PPP1R18: variants seen among roughly 807,000 people sequenced by gnomAD.
PPP1R18 encodes the protein protein phosphatase 1 regulatory subunit 18.
Under a neutral mutation model 54.8 loss-of-function variants are expected in PPP1R18, and 31 were observed. That is an observed-to-expected ratio of 0.57 (90% confidence interval 0.43 to 0.76). The LOEUF (loss-of-function observed/expected upper bound fraction) is 0.76, where lower values mean the gene tolerates loss of function less well. Ranked by LOEUF, PPP1R18 falls within the 30% of genes least tolerant of loss-of-function variation. The probability of loss-of-function intolerance (pLI) is 0.00; values close to 1 mark genes in which losing one functional copy is unlikely to be tolerated. For synonymous variants in PPP1R18, 310 were observed against 320.2 expected, an observed-to-expected ratio of 0.97 and a Z score of 0.34; for missense variants, 685 against 776.1, an observed-to-expected ratio of 0.88 and a Z score of 1.39.
Position 30,686,488 on chromosome 6 carries a change from G to GAAGGACCAGGAATCCCTGA in PPP1R18, c.-489_-471dup, listed in dbSNP as rs1770950509. The GAAGGACCAGGAATCCCTGA allele has an allele frequency of 6.0e-6, 1 of 166,544 alleles. No homozygotes were observed. Among genetic ancestry groups the GAAGGACCAGGAATCCCTGA allele is most frequent in the South Asian group, 1.6e-4 (1 of 6,122 alleles). 10.3% of individuals were successfully genotyped at this position (166,544 alleles called of 1,614,324 possible). A position where few individuals can be genotyped will look rare whatever the true frequency, so the allele number is the denominator to read the frequency against. On this transcript the variant is annotated 5_prime_UTR_variant, in exon 1 of 3. Coordinates refer to ENST00000274853, the MANE Select transcript of PPP1R18 (RefSeq NM_133471.4). ...ACCCCAGGGAGGCTAGTGTGGGAAG[G>GAAGGACCAGGAATCCCTGA]AAGGACCAGGAATCCCTGAAAGGAC...
rs1770647585 is a variant in PPP1R18 at position 30,683,057 on chromosome 6, T to C, written c.1611+1351A>G. Among the ~76,000 whole-genome samples the C allele has an allele frequency of 6.6e-6, 1 of 152,148 alleles. No homozygotes were observed. Reference sequence around the variant, plus strand: ...GTTCCCAAGAACCATGGCTTAGAGGTGGGAGCTTACGCTTCATGTGAAGAT... The same window carrying C: ...GTTCCCAAGAACCATGGCTTAGAGGCGGGAGCTTACGCTTCATGTGAAGAT... On this transcript the variant is annotated intron_variant, in intron 1 of 2. Coordinates refer to ENST00000274853, the MANE Select transcript of PPP1R18 (RefSeq NM_133471.4). The surrounding 1 kb of genome is among the most constrained non-coding windows in gnomAD (Gnocchi z 5.1).
chr6:30,684,278 G>A lies in PPP1R18; in HGVS notation c.1611+130C>T. ...GGGTGTATGTGCAGAGCGAGGAAGGGTGGTGGCAGGAATTAACAAGAAAGA... is the reference window on the plus strand; with the variant it reads ...GGGTGTATGTGCAGAGCGAGGAAGGATGGTGGCAGGAATTAACAAGAAAGA... On this transcript the variant is annotated intron_variant, in intron 1 of 2. Coordinates refer to ENST00000274853, the MANE Select transcript of PPP1R18 (RefSeq NM_133471.4). This position sits in a 1 kb window ranked among gnomAD's most constrained non-coding sequence, Gnocchi z 6.0. The A allele has an allele frequency of 2.2e-6, 2 of 895,838 alleles. No homozygotes were observed. Among genetic ancestry groups the A allele is most frequent in the Non-Finnish European group, 3.3e-6 (2 of 613,032 alleles). The allele number at this position is 895,838 out of a possible 1,614,324, so 55.5% of individuals were successfully genotyped here.
Position 30,685,045 on chromosome 6 carries a change from C to T in PPP1R18, c.974G>A (p.Gly325Asp), listed in dbSNP as rs1770808546. 6.2e-7 allele frequency: 1 copy of T among 1,613,274 alleles called. No individual in the cohort carries two copies. Among genetic ancestry groups the T allele is most frequent in the Non-Finnish European group, 8.5e-7 (1 of 1,180,038 alleles). The part of the protein sequence containing the change: ...EQRPVEDGER[G>D]MKPTEGWKWT... Reference sequence around the variant, plus strand: ...TTTCCACCCTTCTGTTGGCTTCATGCCCCTCTCGCCATCTTCCACAGGCCT... The same window carrying T: ...TTTCCACCCTTCTGTTGGCTTCATGTCCCTCTCGCCATCTTCCACAGGCCT... The change falls in exon 1 of 3, where the codon GGC (glycine) becomes GAC (aspartate). Residue 325 changes from glycine to aspartate, a missense_variant. By Grantham distance (94) the Gly-to-Asp change is moderately conservative. Coordinates refer to ENST00000274853, the MANE Select transcript of PPP1R18 (RefSeq NM_133471.4). This position sits in a 1 kb window ranked among gnomAD's most constrained non-coding sequence, Gnocchi z 5.0.
In PPP1R18 at chr6:30,683,099, T is replaced by A. The variant is rs1562024621; in HGVS notation, c.1611+1309A>T. Among the ~76,000 whole-genome samples, 1 of 152,148 alleles carries A rather than the reference T, an allele frequency of 6.6e-6. No individual in the cohort carries two copies. The highest frequency in any genetic ancestry group is 1.5e-5 in the Non-Finnish European group (1 of 68,020). Reference sequence around the variant, plus strand: ...TGTGAAGATGAATTGGGGGATCAAATGAACCCCCCTCCACCCAAGGCTTAA... The same window carrying A: ...TGTGAAGATGAATTGGGGGATCAAAAGAACCCCCCTCCACCCAAGGCTTAA... On this transcript the variant is annotated intron_variant, in intron 1 of 2. Coordinates refer to ENST00000274853, the MANE Select transcript of PPP1R18 (RefSeq NM_133471.4). This position sits in a 1 kb window ranked among gnomAD's most constrained non-coding sequence, Gnocchi z 5.1.
At position 30,684,628 on chromosome 6, in the gene PPP1R18, G is replaced by T; in HGVS notation, c.1391C>A (p.Ala464Asp). 6.5e-7 allele frequency: 1 copy of T among 1,545,950 alleles called. No homozygotes were observed. Among genetic ancestry groups the T allele is most frequent in the Non-Finnish European group, 8.7e-7 (1 of 1,144,862 alleles). Residue 464 changes from alanine (A) to aspartate (D), a missense_variant, in exon 1 of 3, where the codon GCC becomes GAC. Coordinates refer to ENST00000274853, the MANE Select transcript of PPP1R18 (RefSeq NM_133471.4). The surrounding 1 kb of genome is among the most constrained non-coding windows in gnomAD (Gnocchi z 6.0). ...GAAGGTGTGTCCACTGCGGCGGGGG[G>T]CCCCCACCCCTGGCCCTGCCTTCAC... is the stretch of plus-strand genomic sequence containing the variant. The part of the protein sequence containing the change: ...YGVKAGPGVG[A>D]PRRSGHTFTV...
intron 1 of PPP1R18, among the ~76,000 whole-genome samples, chr6:30,681,608 A>G (rs1421170194): frequency 1.3e-5 from 2 of 152,036 alleles, no homozygotes; most frequent in Non-Finnish European, 2.9e-5. Context: ...TACTAAAAAT[A>G]CTAAAATTAG....
chr6:30,680,176 G>A (rs933628417), intron 1 of PPP1R18, among the ~76,000 whole-genome samples: 1 of 152,178 alleles, frequency 6.6e-6, no homozygotes, highest in Non-Finnish European at 1.5e-5. Flanking sequence ...CAAAGGGACA[G>A]GCACAGAGAC....
intron 1 of PPP1R18, 47 bp from the exon 2 acceptor site, chr6:30,679,436 G>A (rs1770404876): frequency 1.2e-6 from 1 of 838,360 alleles, no homozygotes; most frequent in Admixed American, 2.5e-5. Flanking sequence ...CAGCAGGGGA[G>A]AAGCCCGCGG....
rs1046414009 is a variant in PPP1R18, at chr6:30,684,566, G to C, written c.1453C>G (p.Pro485Ala). The C allele has an allele frequency of 3.1e-6, 5 of 1,609,628 alleles. No homozygotes were observed. In the African/African-American group the frequency reaches 6.7e-5, roughly 22 times the overall value. ...NPRRSVPPAT[P>A]ATPTSPATVD... ...GTGGCTGGAGAGGTTGGGGTGGCTG[G>C]GGTCGCAGGGGGCACAGACCGCCGG... The change falls in exon 1 of 3, where the codon CCA becomes GCA. Residue 485 changes from proline (P) to alanine (A), a missense_variant. Physicochemically the swap from Pro to Ala is conservative, Grantham distance 27 (BLOSUM62 -1). Coordinates refer to ENST00000274853, the MANE Select transcript of PPP1R18 (RefSeq NM_133471.4). The surrounding 1 kb of genome is among the most constrained non-coding windows in gnomAD (Gnocchi z 6.0).
In PPP1R18 at chr6:30,684,649, T is replaced by C. The variant is rs1183821524; in HGVS notation, c.1370A>G (p.Lys457Arg). ...GGGGGCCCCCACCCCTGGCCCTGCC[T>C]TCACCCCATAGAACAGGCGGCTCAT... is the stretch of plus-strand genomic sequence containing the variant. ...PLMSRLFYGV[K>R]AGPGVGAPRR... is the part of the protein sequence containing the mutation. Residue 457 changes from lysine (K) to arginine (R), a missense_variant, in exon 1 of 3, where the codon AAG (lysine) becomes AGG (arginine). Transcript: ENST00000274853. The surrounding 1 kb of genome is among the most constrained non-coding windows in gnomAD (Gnocchi z 6.0). The C allele has an allele frequency of 6.6e-7, 1 of 1,520,462 alleles. No homozygotes were observed. Among genetic ancestry groups the C allele is most frequent in the Non-Finnish European group, 8.8e-7 (1 of 1,131,824 alleles). The allele number at this position is 1,520,462 out of a possible 1,614,324, so 94.2% of individuals were successfully genotyped here.
In PPP1R18 at chr6:30,685,304, G is replaced by A. The variant is rs1255914289; in HGVS notation, c.715C>T (p.His239Tyr). 6.2e-7 allele frequency: 1 copy of A among 1,613,078 alleles called. No homozygotes were observed. The change falls in exon 1 of 3, where the codon CAT (histidine) becomes TAT (tyrosine). Residue 239 changes from histidine to tyrosine, a missense_variant. His to Tyr is a moderately conservative substitution (Grantham distance 83). Coordinates refer to ENST00000274853, the MANE Select transcript of PPP1R18 (RefSeq NM_133471.4). The surrounding 1 kb of genome is among the most constrained non-coding windows in gnomAD (Gnocchi z 5.0). Reference sequence around the variant, plus strand: ...TCTCTGGAGTCAGGTCTCCATTTATGGGCCTCTGTCAGGCCCAACTTCTGG... The same window carrying A: ...TCTCTGGAGTCAGGTCTCCATTTATAGGCCTCTGTCAGGCCCAACTTCTGG... Reference protein sequence around the residue: ...AYQKLGLTEAHKWRPDSRESQ... With the variant: ...AYQKLGLTEAYKWRPDSRESQ...
Position 30,686,550 on chromosome 6 carries a change from C to A in PPP1R18, c.-532G>T. 1 of 156,720 alleles carries A rather than the reference C, an allele frequency of 6.4e-6. No individual in the cohort carries two copies. Among genetic ancestry groups the A allele is most frequent in the Non-Finnish European group, 1.4e-5 (1 of 70,986 alleles). 9.7% of individuals were successfully genotyped at this position (156,720 alleles called of 1,614,324 possible). Reference sequence around the variant, plus strand: ...GGGACCTGAGGGGGTGTTGGGGAGGCAAGGAGGGGCGGAGAGCGAACAGGT... The same window carrying A: ...GGGACCTGAGGGGGTGTTGGGGAGGAAAGGAGGGGCGGAGAGCGAACAGGT... On this transcript the variant is annotated 5_prime_UTR_variant, in exon 1 of 3. Transcript: ENST00000274853.
chr6:30,681,110 C>T (rs1363175653), intron 1 of PPP1R18, among the ~76,000 whole-genome samples: 1 of 148,110 alleles, frequency 6.8e-6, no homozygotes, highest in East Asian at 2.0e-4. Context: ...AAAAAGTCTA[C>T]TTGATTGCCC....
At position 30,684,944 on chromosome 6, in the gene PPP1R18, G is replaced by A. The variant is rs779966877; in HGVS notation, c.1075C>T (p.Pro359Ser). 3 of 1,613,054 alleles carry A rather than the reference G, an allele frequency of 1.9e-6. No individual in the cohort carries two copies. The highest frequency in any genetic ancestry group is 2.2e-5 in the South Asian group (2 of 91,082). Residue 359 changes from proline (P) to serine (S), a missense_variant, in exon 1 of 3, where the codon CCA becomes TCA. Pro to Ser is a moderately conservative substitution (Grantham distance 74, BLOSUM62 -1). Transcript: ENST00000274853. This position sits in a 1 kb window ranked among gnomAD's most constrained non-coding sequence, Gnocchi z 6.0. Reference protein sequence around the residue: ...IEAQTQKPEPPESAEKLLESP... With the variant: ...IEAQTQKPEPSESAEKLLESP... ...TCCAGAAGCTTCTCTGCTGACTCTG[G>A]AGGTTCTGGTTTCTGAGTTTGAGCC... is the stretch of plus-strand genomic sequence containing the variant.
In PPP1R18 at chr6:30,684,854, G is replaced by A. The variant is rs1264577739; in HGVS notation, c.1165C>T (p.Pro389Ser). ...EKEEAGAQGR[P>S]LRALQNCCSV... is the part of the protein sequence containing the mutation. ...CAGCAGTTCTGCAGGGCTCTCAGAG[G>A]CCTGCCCTGAGCCCCCGCCTCCTCC... Residue 389 changes from proline to serine, a missense_variant, in exon 1 of 3, where the codon CCT (proline) becomes TCT (serine). Pro to Ser is a moderately conservative substitution (Grantham distance 74). Transcript: ENST00000274853. The surrounding 1 kb of genome is among the most constrained non-coding windows in gnomAD (Gnocchi z 6.0). The A allele has an allele frequency of 5.0e-6, 8 of 1,612,682 alleles. No individual in the cohort carries two copies. The highest frequency in any genetic ancestry group is 1.6e-4 in the Middle Eastern group (1 of 6,080).
intron 1 of PPP1R18, among the ~76,000 whole-genome samples, chr6:30,681,882 T>A (rs1770572487): frequency 6.6e-6 from 1 of 152,164 alleles, no homozygotes. Flanking sequence ...GGGGAAACGA[T>A]CTGCGGGTGG....
In PPP1R18 at chr6:30,684,566, G is replaced by A; in HGVS notation, c.1453C>T (p.Pro485Ser). ...GTGGCTGGAGAGGTTGGGGTGGCTGGGGTCGCAGGGGGCACAGACCGCCGG... is the reference window on the plus strand; with the variant it reads ...GTGGCTGGAGAGGTTGGGGTGGCTGAGGTCGCAGGGGGCACAGACCGCCGG... ...NPRRSVPPAT[P>S]ATPTSPATVD... is the part of the protein sequence containing the mutation. Residue 485 changes from proline to serine, a missense_variant, in exon 1 of 3, where the codon CCA becomes TCA. Transcript: ENST00000274853. This position sits in a 1 kb window ranked among gnomAD's most constrained non-coding sequence, Gnocchi z 6.0. The A allele has an allele frequency of 5.0e-6, 8 of 1,609,746 alleles. No individual in the cohort carries two copies. The highest frequency in any genetic ancestry group is 5.9e-6 in the Non-Finnish European group (7 of 1,178,580).
rs1459478494 is a variant in PPP1R18 at position 30,683,830 on chromosome 6, C to T, written c.1611+578G>A. 1.3e-5 allele frequency among the ~76,000 whole-genome samples: 2 copies of T among 152,078 alleles called. No individual in the cohort carries two copies. ...CTCTGATCTTTGGCCGGCCCGGTTC[C>T]ATCTCCCCTCTCCCCTCCATCCTAG... On this transcript the variant is annotated intron_variant, in intron 1 of 2. Transcript: ENST00000274853. The surrounding 1 kb of genome is among the most constrained non-coding windows in gnomAD (Gnocchi z 5.1).
At chr6:30,678,630 G>A (rs529354339) in intron 2 of PPP1R18, among the ~76,000 whole-genome samples, 19 of 151,922 alleles carry the variant, frequency 1.3e-4, no homozygotes, top group African/African-American at 4.1e-4. Context: ...CGCCCGCCTC[G>A]GCCTCCCAAA....
Sources: allele counts gnomAD v4.1 joint callset (sites outside exome capture counted in the v4.1 genomes callset), GRCh38; gene constraint gnomAD v4.1.1; non-coding constraint Gnocchi (gnomAD v3.1); transcripts MANE v1.5; gene names NCBI Gene and HGNC (gene_info 2026-07-23, HGNC 2026-07-21).